The following CCDC62 variants were observed in gnomAD, a reference collection of about 807,000 sequenced individuals.
The protein encoded by CCDC62 is coiled-coil domain containing 62.
In CCDC62, 72 loss-of-function variants were observed where a neutral mutation model predicts 80.8. That is an observed-to-expected ratio of 0.89 (90% CI 0.74 to 1.08). CCDC62 has a LOEUF of 1.08. Among genes scored for constraint, CCDC62 ranks in the 50% least tolerant of loss-of-function variants. The pLI, the probability that CCDC62 is intolerant of heterozygous loss-of-function variation, is 0.00. For missense variants in CCDC62, 704 were observed against 809.4 expected (o/e 0.87, Z 1.58); for synonymous variants, 286 against 296.5 (o/e 0.96, Z 0.36).
At chr12:122,795,315 T>C (rs12321100) in intron 6 of CCDC62, among the ~76,000 whole-genome samples, 8,345 of 152,240 alleles carry the variant, frequency 0.055, 408 homozygotes, top group East Asian at 0.27. Context: ...CCTCCCAAAG[T>C]GTTAGGATTA....
chr12:122,789,534 G>A (rs2030468671), intron 5 of CCDC62, among the ~76,000 whole-genome samples: 1 of 152,226 alleles, frequency 6.6e-6, no homozygotes, highest in Non-Finnish European at 1.5e-5. Context: ...CTGGGTTCAA[G>A]CTATTCTCCT....
intron 11 of CCDC62, 50 bp from the exon 12 acceptor site, chr12:122,823,316 A>G (rs78108054): frequency 7.2e-7 from 1 of 1,382,150 alleles, no homozygotes; most frequent in Non-Finnish European, 1.0e-6. Context: ...TCTTCTTAAG[A>G]ATTTTTTAGT....
At position 122,801,263 on chromosome 12, in the gene CCDC62, T is replaced by A; in HGVS notation, c.1117T>A (p.Cys373Ser). ...VQQNRSDKSS[C>S]DECKEKKQQI... is the part of the protein sequence containing the mutation. ...GCAAAATAGGTCAGACAAGAGCTCT[T>A]GCGATGAATGCAAAGAGAAGAAACA... The change falls in exon 9 of 13, where the codon TGC becomes AGC. Residue 373 changes from cysteine to serine, a missense_variant. Cys to Ser is a moderately radical substitution (Grantham distance 112, BLOSUM62 -1). Transcript: ENST00000253079. 6.2e-7 allele frequency: 1 copy of A among 1,614,162 alleles called. No homozygotes were observed. Among genetic ancestry groups the A allele is most frequent in the Non-Finnish European group, 8.5e-7 (1 of 1,180,040 alleles).
intron 4 of CCDC62, among the ~76,000 whole-genome samples, chr12:122,788,460 A>G (rs1211750053): frequency 6.6e-6 from 1 of 152,182 alleles, no homozygotes; most frequent in Non-Finnish European, 1.5e-5. Context: ...AGAGAGAGTA[A>G]GGGGTAGTGG....
intron 4 of CCDC62, among the ~76,000 whole-genome samples, 200 bp downstream of exon 4, chr12:122,786,020 G>C (rs182691621): frequency 2.6e-4 from 39 of 152,322 alleles, no homozygotes; most frequent in African/African-American, 8.9e-4. Context: ...GCAGGACTCT[G>C]CTTCTGGTCT....
intron 1 of CCDC62, among the ~76,000 whole-genome samples, chr12:122,775,190 G>A (rs1436344244): frequency 6.6e-6 from 1 of 151,528 alleles, no homozygotes; most frequent in Admixed American, 6.6e-5. Context: ...TATTCAGCCC[G>A]GGCCACAGAG....
intron 6 of CCDC62, among the ~76,000 whole-genome samples, chr12:122,795,701 G>C (rs1056253495): frequency 6.6e-6 from 1 of 152,154 alleles, no homozygotes; most frequent in Admixed American, 6.6e-5. Flanking sequence ...TGGGATTACA[G>C]GCGTGTTCTT....
chr12:122,823,594 T>C (rs2032496615), intron 12 of CCDC62, 135 bp downstream of exon 12: 1 of 552,864 alleles, frequency 1.8e-6, no homozygotes, highest in Non-Finnish European at 3.3e-6. Flanking sequence ...GACCAATTTA[T>C]GCATACTTCT....
At chr12:122,778,627 C>T (rs911346597) in intron 2 of CCDC62, among the ~76,000 whole-genome samples, 2 of 152,082 alleles carry the variant, frequency 1.3e-5, no homozygotes, top group Non-Finnish European at 2.9e-5. Context: ...TGCCTGTAAT[C>T]CCAGCACTTT....
intron 7 of CCDC62, among the ~76,000 whole-genome samples, chr12:122,797,730 C>G (rs761850005): frequency 8.6e-5 from 13 of 151,806 alleles, no homozygotes; most frequent in Non-Finnish European, 1.9e-4. Context: ...TTAGTAGAGA[C>G]AGGGTTTTAC....
At chr12:122,810,928 C>A (rs1008749107) in intron 10 of CCDC62, among the ~76,000 whole-genome samples, 17 of 151,042 alleles carry the variant, frequency 1.1e-4, no homozygotes, top group Non-Finnish European at 2.4e-4. Flanking sequence ...GGACAAAAAA[C>A]CAAACACTGC....
intron 9 of CCDC62, among the ~76,000 whole-genome samples, chr12:122,805,101 T>A (rs558747209): frequency 6.6e-6 from 1 of 150,594 alleles, no homozygotes; most frequent in South Asian, 2.1e-4. Context: ...GCCAGGCTGG[T>A]CTCAAACTCC....
chr12:122,779,264 A>C (rs995712379), intron 2 of CCDC62, among the ~76,000 whole-genome samples: 2 of 152,224 alleles, frequency 1.3e-5, no homozygotes, highest in Admixed American at 1.3e-4. Flanking sequence ...AGCCTGGCAG[A>C]AATTATCAGG....
intron 10 of CCDC62, among the ~76,000 whole-genome samples, chr12:122,810,573 G>A (rs1172703400): frequency 1.0e-5 from 1 of 99,852 alleles, no homozygotes; most frequent in African/African-American, 3.2e-5. Flanking sequence ...CTGTTGGTGG[G>A]ACTGTAAACC....
At chr12:122,806,854 A>G (rs1033831161) in intron 10 of CCDC62, among the ~76,000 whole-genome samples, 1 of 151,358 alleles carries the variant, frequency 6.6e-6, no homozygotes, top group Non-Finnish European at 1.5e-5. Context: ...TGTAAAAAAA[A>G]AAAGAAAGAA....
chr12:122,824,476 A>G (rs989009135), intron 12 of CCDC62, among the ~76,000 whole-genome samples: 3 of 152,266 alleles, frequency 2.0e-5, no homozygotes, highest in South Asian at 4.1e-4. Flanking sequence ...CACCTTACTC[A>G]TGCAAGAATG....
rs369572584 is a variant in CCDC62, at chr12:122,805,031, C to T, written c.1707-1120C>T. On this transcript the variant is annotated intron_variant, in intron 9 of 12. Coordinates refer to ENST00000253079, the MANE Select transcript of CCDC62 (RefSeq NM_201435.5). ...TCCAGAGTAGCTGAGATTACAGGCGCGCGCCACCATGCCCGGCTGATTTTT... is the reference window on the plus strand; with the variant it reads ...TCCAGAGTAGCTGAGATTACAGGCGTGCGCCACCATGCCCGGCTGATTTTT... Among the ~76,000 whole-genome samples, 16 of 151,604 alleles carry T rather than the reference C, an allele frequency of 1.1e-4. No homozygotes were observed. The East Asian group carries it at 1.6e-3, about 15-fold the overall frequency.
At chr12:122,792,944 A>G (rs2093047264) in intron 6 of CCDC62, among the ~76,000 whole-genome samples, 1 of 152,144 alleles carries the variant, frequency 6.6e-6, no homozygotes, top group Non-Finnish European at 1.5e-5. Context: ...CTTCCAGCTT[A>G]AGCGTGTGAC....
intron 11 of CCDC62, among the ~76,000 whole-genome samples, chr12:122,818,371 T>TA (rs2032255332): frequency 6.8e-6 from 1 of 146,276 alleles, no homozygotes; most frequent in African/African-American, 2.6e-5. Context: ...GAGAATGGTG[T>TA]AAACCCATGA....
Sources: allele counts gnomAD v4.1 joint callset (sites outside exome capture counted in the v4.1 genomes callset), GRCh38; gene constraint gnomAD v4.1.1; transcripts MANE v1.5; gene names NCBI Gene and HGNC (gene_info 2026-07-23, HGNC 2026-07-21).